Variants in CEP162 observed in about 807,000 individuals in gnomAD.
The protein encoded by CEP162 is centrosomal protein 162.
CEP162 carries 141 observed loss-of-function variants against 169.2 expected under a neutral mutation model. That is an observed-to-expected ratio of 0.83 (90% CI 0.73 to 0.96). CEP162 has a LOEUF of 0.96. Among genes scored for constraint, CEP162 ranks in the 40% least tolerant of loss-of-function variants. CEP162 has a pLI of 0.00. For synonymous variants in CEP162, 540 were observed against 526.4 expected (o/e 1.03, Z -0.35); for missense variants, 1,600 against 1,587.2 (o/e 1.01, Z -0.14).
intron 13 of CEP162, among the ~76,000 whole-genome samples, chr6:84,176,048 G>A (rs962159127): frequency 6.6e-6 from 1 of 151,988 alleles, no homozygotes; most frequent in Non-Finnish European, 1.5e-5. Flanking sequence ...CAATGTTTAA[G>A]AACAGTACCT....
chr6:84,124,495 T>C lies in CEP162; in HGVS notation c.*575A>G, dbSNP rs561789151. 1.3e-5 allele frequency: 2 copies of C among 153,136 alleles called. No homozygotes were observed. The highest frequency in any genetic ancestry group is 2.1e-4 in the South Asian group (1 of 4,852). The allele number at this position is 153,136 out of a possible 1,614,324, so 9.5% of individuals were successfully genotyped here. The stretch of plus-strand genomic sequence containing the variant: ...GACATAAAAAATAAAATATTGCATA[T>C]ATTCTCACTTAAAAGTAGGAGCTAA... On this transcript the variant is annotated 3_prime_UTR_variant, in exon 27 of 27. Coordinates refer to ENST00000403245, the MANE Select transcript of CEP162 (RefSeq NM_014895.4).
chr6:84,190,267 T>G (rs897958285), intron 11 of CEP162, among the ~76,000 whole-genome samples: 1 of 152,050 alleles, frequency 6.6e-6, no homozygotes, highest in African/African-American at 2.4e-5. Flanking sequence ...TGGAGAACCT[T>G]TGTATCTAGC....
chr6:84,154,294 C>T (rs2099522215), intron 22 of CEP162, among the ~76,000 whole-genome samples: 1 of 151,994 alleles, frequency 6.6e-6, no homozygotes, highest in Non-Finnish European at 1.5e-5. Context: ...TTGCTAGACT[C>T]CAGACATGTT....
In CEP162 at chr6:84,221,090, A is replaced by G; in HGVS notation, c.139T>C (p.Trp47Arg). ...TTAAAATCATCTTCAGTTATCCACCAAGGCACTGTATCTTTCTTCTTCATC... is the reference window on the plus strand; with the variant it reads ...TTAAAATCATCTTCAGTTATCCACCGAGGCACTGTATCTTTCTTCTTCATC... ...KEMKKKDTVP[W>R]WITEDDFKDD... The change falls in exon 3 of 27, where the codon TGG becomes CGG. Residue 47 changes from tryptophan to arginine, a missense_variant. Coordinates refer to ENST00000403245, the MANE Select transcript of CEP162 (RefSeq NM_014895.4). 6.3e-7 allele frequency: 1 copy of G among 1,598,120 alleles called. No homozygotes were observed. The highest frequency in any genetic ancestry group is 1.1e-5 in the South Asian group (1 of 90,516).
intron 6 of CEP162, among the ~76,000 whole-genome samples, chr6:84,208,088 C>A (rs914937541): frequency 7.0e-6 from 1 of 143,606 alleles, no homozygotes; most frequent in African/African-American, 2.7e-5. Context: ...TATGAAAGAT[C>A]TCTGACCCTT....
At chr6:84,185,699 T>G (rs2099536866) in intron 12 of CEP162, among the ~76,000 whole-genome samples, 1 of 152,104 alleles carries the variant, frequency 6.6e-6, no homozygotes, top group African/African-American at 2.4e-5. Flanking sequence ...GAAACCAAGA[T>G]GTGTAATTAC....
chr6:84,131,778 G>T (rs1349627212), intron 25 of CEP162, among the ~76,000 whole-genome samples: 1 of 152,052 alleles, frequency 6.6e-6, no homozygotes, highest in East Asian at 1.9e-4. Context: ...ACACTGATGG[G>T]TTTTGACTCT....
At chr6:84,218,539 T>G (rs1486980634) in intron 3 of CEP162, among the ~76,000 whole-genome samples, 2 of 152,236 alleles carry the variant, frequency 1.3e-5, no homozygotes, top group Non-Finnish European at 2.9e-5. Flanking sequence ...ATTTTTGTTT[T>G]TTGCTTTTTA....
intron 17 of CEP162, among the ~76,000 whole-genome samples, chr6:84,171,288 GTTAA>G (rs1030308441): frequency 1.8e-4 from 28 of 152,198 alleles, no homozygotes; most frequent in African/African-American, 6.3e-4. Context: ...TTGGGAAATG[GTTAA>G]TTATCTCATT....
intron 16 of CEP162, among the ~76,000 whole-genome samples, chr6:84,172,212 C>T (rs1588787897): frequency 6.6e-6 from 1 of 152,304 alleles, no homozygotes; most frequent in East Asian, 1.9e-4. Context: ...GTATCTGCTA[C>T]TGACTGTAAA....
chr6:84,184,305 T>C (rs1484999463), intron 13 of CEP162, among the ~76,000 whole-genome samples: 1 of 152,178 alleles, frequency 6.6e-6, no homozygotes, highest in Non-Finnish European at 1.5e-5. Flanking sequence ...GGTCTCACCT[T>C]CCATCTCAGC....
chr6:84,209,168 C>G (rs370060721), intron 6 of CEP162, among the ~76,000 whole-genome samples: 55 of 152,280 alleles, frequency 3.6e-4, no homozygotes, highest in African/African-American at 1.3e-3. Flanking sequence ...CTACTTTCAG[C>G]TGTAGAACCA....
At chr6:84,195,144 A>C in intron 9 of CEP162, 69 bp from the exon 10 acceptor site, 2 of 1,223,490 alleles carry the variant, frequency 1.6e-6, no homozygotes, top group Non-Finnish European at 2.3e-6. Context: ...AAACACTAAT[A>C]TCATTCCTTA....
intron 17 of CEP162, among the ~76,000 whole-genome samples, chr6:84,169,884 T>C (rs946689440): frequency 1.3e-5 from 2 of 152,148 alleles, no homozygotes; most frequent in African/African-American, 4.8e-5. Context: ...TTTCCTGTTA[T>C]TCCAGAGATA....
At chr6:84,200,993 T>C (rs754472435) in intron 8 of CEP162, 88 bp from the exon 9 acceptor site, 18 of 813,362 alleles carry the variant, frequency 2.2e-5, no homozygotes, top group Non-Finnish European at 3.2e-5. Flanking sequence ...ACATATGCAA[T>C]GCAGGCCGGG....
intron 24 of CEP162, among the ~76,000 whole-genome samples, chr6:84,147,349 T>C (rs1052833835): frequency 6.6e-6 from 1 of 151,970 alleles, no homozygotes; most frequent in Non-Finnish European, 1.5e-5. Flanking sequence ...TTGGGAAGGA[T>C]GAAGAGAGGT....
chr6:84,201,017 G>T, intron 8 of CEP162, 112 bp from the exon 9 acceptor site: 1 of 528,090 alleles, frequency 1.9e-6, no homozygotes, highest in Non-Finnish European at 3.3e-6. Flanking sequence ...GGTGGCTCAC[G>T]CCTGTAATCC....
At chr6:84,185,753 A>C (rs1723335453) in intron 12 of CEP162, among the ~76,000 whole-genome samples, 1 of 152,134 alleles carries the variant, frequency 6.6e-6, no homozygotes, top group South Asian at 2.1e-4. Flanking sequence ...AATGACATAA[A>C]ATCTTATTTG....
intron 23 of CEP162, among the ~76,000 whole-genome samples, chr6:84,150,811 A>G (rs2129201082): frequency 6.6e-6 from 1 of 152,300 alleles, no homozygotes; most frequent in South Asian, 2.1e-4. Context: ...TGACTGCCAT[A>G]TGGTAACAAC....
Sources: allele counts gnomAD v4.1 joint callset (sites outside exome capture counted in the v4.1 genomes callset), GRCh38; gene constraint gnomAD v4.1.1; transcripts MANE v1.5; gene names NCBI Gene and HGNC (gene_info 2026-07-23, HGNC 2026-07-21).